Variants in ABCC4 observed in about 807,000 individuals in gnomAD.
ABCC4 encodes ATP binding cassette subfamily C member 4 (PEL blood group).
ABCC4 carries 102 observed loss-of-function variants against 168.5 expected under a neutral mutation model. That is an observed-to-expected ratio of 0.61 (90% CI 0.52 to 0.71). The LOEUF (loss-of-function observed/expected upper bound fraction) is 0.71. ABCC4 is among the 30% of genes least tolerant of loss of function. The pLI is 0.00. For synonymous variants in ABCC4, 617 were observed against 590.7 expected (o/e 1.04, Z -0.65); for missense variants, 1,402 against 1,605.8 (o/e 0.87, Z 2.17).
At chr13:95,209,299 T>C (rs1012849785) in intron 6 of ABCC4, 135 bp downstream of exon 6, 4 of 1,073,226 alleles carry the variant, frequency 3.7e-6, no homozygotes, top group Non-Finnish European at 3.9e-6. Context: ...CCCCCTTGGC[T>C]GAGCCTGAAG....
chr13:95,299,436 G>C (rs2138976439), intron 1 of ABCC4, among the ~76,000 whole-genome samples: 1 of 152,222 alleles, frequency 6.6e-6, no homozygotes, highest in South Asian at 2.1e-4. Flanking sequence ...CACCCACTGA[G>C]TGTACCACAA....
At chr13:95,262,862 T>C (rs1339049554) in intron 1 of ABCC4, among the ~76,000 whole-genome samples, 1 of 152,194 alleles carries the variant, frequency 6.6e-6, no homozygotes, top group African/African-American at 2.4e-5. Flanking sequence ...CTCGAACTGC[T>C]GACCTCAAGC....
chr13:95,234,121 G>C (rs1487752625), intron 4 of ABCC4, among the ~76,000 whole-genome samples: 2 of 152,124 alleles, frequency 1.3e-5, no homozygotes, highest in East Asian at 3.8e-4. Context: ...TTTTCTCCTA[G>C]ATTTAATTTC....
intron 27 of ABCC4, among the ~76,000 whole-genome samples, chr13:95,051,535 ATTCT>A (rs1415011323): frequency 6.6e-6 from 1 of 151,808 alleles, no homozygotes; most frequent in African/African-American, 2.4e-5. Flanking sequence ...CATCTGGCTA[ATTCT>A]TTTTTTTTTT....
chr13:95,210,608 AGT>A, intron 5 of ABCC4, 82 bp downstream of exon 5: 1 of 237,696 alleles, frequency 4.2e-6, no homozygotes, highest in Admixed American at 7.1e-5. Context: ...GTGTGAACAG[AGT>A]GAGCCCCTGC....
At chr13:95,242,454 C>T (rs2039975090) in intron 3 of ABCC4, among the ~76,000 whole-genome samples, 1 of 152,126 alleles carries the variant, frequency 6.6e-6, no homozygotes. Context: ...TCTCGAACTC[C>T]TGACCTTGTG....
chr13:95,138,961 T>C (rs1311214573), intron 19 of ABCC4, among the ~76,000 whole-genome samples: 2 of 152,162 alleles, frequency 1.3e-5, no homozygotes, highest in Non-Finnish European at 2.9e-5. Context: ...GACAGGTCCG[T>C]GAGAGATCCT....
intron 3 of ABCC4, among the ~76,000 whole-genome samples, chr13:95,246,618 G>A (rs1318137852): frequency 2.0e-5 from 3 of 152,178 alleles, no homozygotes; most frequent in Non-Finnish European, 4.4e-5. Flanking sequence ...AAGGCTGTAG[G>A]ATCCTCTTTT....
intron 8 of ABCC4, among the ~76,000 whole-genome samples, chr13:95,198,754 T>C (rs2038534613): frequency 6.6e-6 from 1 of 152,188 alleles, no homozygotes; most frequent in Non-Finnish European, 1.5e-5. Context: ...GTGTCATATA[T>C]ACACTGTGGA....
intron 4 of ABCC4, among the ~76,000 whole-genome samples, chr13:95,230,636 G>T (rs59815481): frequency 3.3e-5 from 5 of 152,056 alleles, no homozygotes; most frequent in Non-Finnish European, 5.9e-5. Context: ...TTAGCCTGGC[G>T]TGGTGGCAGG....
intron 3 of ABCC4, among the ~76,000 whole-genome samples, chr13:95,244,597 G>A (rs1432606043): frequency 3.4e-3 from 51 of 14,926 alleles, no homozygotes; most frequent in Admixed American, 4.2e-3. Context: ...AAAATAACAT[G>A]AAAGAAAGAA....
chr13:95,117,309 T>C (rs1449311938), intron 19 of ABCC4, among the ~76,000 whole-genome samples: 1 of 150,558 alleles, frequency 6.6e-6, no homozygotes, highest in East Asian at 1.9e-4. Flanking sequence ...TCATGGCTGC[T>C]AGAAAACCAA....
chr13:95,232,503 C>T (rs139857528), intron 4 of ABCC4, among the ~76,000 whole-genome samples: 1 of 151,932 alleles, frequency 6.6e-6, no homozygotes. Context: ...ATGGTGACAC[C>T]ACGTCTCTAC....
intron 19 of ABCC4, among the ~76,000 whole-genome samples, chr13:95,157,090 A>C (rs796233663): frequency 1.4e-5 from 1 of 69,786 alleles, no homozygotes; most frequent in African/African-American, 3.5e-5. Context: ...AGACTCTACC[A>C]CACACACACA....
At chr13:95,088,002 A>T (rs1271359727) in intron 20 of ABCC4, among the ~76,000 whole-genome samples, 2 of 151,616 alleles carry the variant, frequency 1.3e-5, no homozygotes, top group East Asian at 3.9e-4. Flanking sequence ...TACATTAATC[A>T]CTCCTTTCAT....
At chr13:95,120,309 AT>A (rs1293346871) in intron 19 of ABCC4, among the ~76,000 whole-genome samples, 2 of 152,126 alleles carry the variant, frequency 1.3e-5, no homozygotes, top group Non-Finnish European at 2.9e-5. Context: ...GCTCATGCCT[AT>A]AATCCCAGCA....
At chr13:95,298,380 G>C (rs909522719) in intron 1 of ABCC4, among the ~76,000 whole-genome samples, 6 of 152,138 alleles carry the variant, frequency 3.9e-5, no homozygotes, top group Non-Finnish European at 1.5e-5. Flanking sequence ...AATGAAAGGA[G>C]TAGCTGGAAG....
intron 19 of ABCC4, among the ~76,000 whole-genome samples, chr13:95,124,713 G>C: frequency 1.7e-5 from 1 of 59,218 alleles, no homozygotes; most frequent in African/African-American, 8.1e-5. Context: ...TACTAAAAAC[G>C]AAAAAAAAAA....
intron 19 of ABCC4, among the ~76,000 whole-genome samples, chr13:95,144,055 A>T (rs2036406471): frequency 6.6e-6 from 1 of 152,318 alleles, no homozygotes; most frequent in East Asian, 1.9e-4. Flanking sequence ...CATTACACAC[A>T]CACATACACA....
Sources: gnomAD v4.1 joint callset for allele counts (sites outside exome capture counted in the v4.1 genomes callset) on GRCh38, gnomAD v4.1.1 for gene constraint, MANE v1.5 for transcripts, NCBI Gene and HGNC (gene_info 2026-07-23, HGNC 2026-07-21) for gene names.